Variants in ATE1 observed in about 807,000 individuals in gnomAD.
The protein encoded by ATE1 is arginyl-tRNA--protein transferase 1.
Under a neutral mutation model 70.5 loss-of-function variants are expected in ATE1, and 36 were observed. The ratio of observed to expected loss-of-function variants is 0.51; its 90% CI spans 0.39 to 0.67. The LOEUF (loss-of-function observed/expected upper bound fraction) is 0.67. Ranked by LOEUF, ATE1 falls within the 30% of genes least tolerant of loss-of-function variation. The probability of loss-of-function intolerance (pLI) is 0.00; values close to 1 mark genes in which losing one functional copy is unlikely to be tolerated. For missense variants in ATE1, 593 were observed against 629.5 expected, an observed-to-expected ratio of 0.94 and a Z score of 0.62; for synonymous variants, 232 against 219.3, an observed-to-expected ratio of 1.06 and a Z score of -0.51.
At chr10:121,875,086 T>C (rs1488949411) in intron 7 of ATE1, among the ~76,000 whole-genome samples, 1 of 134,312 alleles carries the variant, frequency 7.4e-6, no homozygotes, top group African/African-American at 2.8e-5. Flanking sequence ...TTGCAGTGAG[T>C]CGAGACCGCA....
intron 8 of ATE1, among the ~76,000 whole-genome samples, chr10:121,869,595 C>G (rs779955031): frequency 6.6e-6 from 1 of 152,218 alleles, no homozygotes; most frequent in Non-Finnish European, 1.5e-5. Flanking sequence ...GTCTCTCTAA[C>G]TGAAACTTCC....
chr10:121,921,423 A>G (rs796728760), intron 3 of ATE1, among the ~76,000 whole-genome samples: 87 of 151,292 alleles, frequency 5.8e-4, no homozygotes, highest in African/African-American at 2.0e-3. Flanking sequence ...ACCCAGGAAA[A>G]GCCTTGATAA....
At chr10:121,783,053 C>T (rs1034134339) in intron 11 of ATE1, among the ~76,000 whole-genome samples, 29 of 152,140 alleles carry the variant, frequency 1.9e-4, no homozygotes, top group Non-Finnish European at 3.8e-4. Flanking sequence ...AACCCTAATA[C>T]AGTAGTAAAA....
intron 2 of ATE1, among the ~76,000 whole-genome samples, chr10:121,922,904 T>C (rs185171394): frequency 1.4e-4 from 22 of 152,292 alleles, no homozygotes; most frequent in Non-Finnish European, 2.6e-4. Flanking sequence ...TGGGAGTCAT[T>C]TTAAACTCCT....
At chr10:121,772,512 G>A (rs780197422) in intron 11 of ATE1, among the ~76,000 whole-genome samples, 1 of 152,164 alleles carries the variant, frequency 6.6e-6, no homozygotes, top group Non-Finnish European at 1.5e-5. Context: ...GCTAATGCAA[G>A]GGGCCCATCA....
chr10:121,823,856 T>C (rs537916298), intron 10 of ATE1, among the ~76,000 whole-genome samples: 2 of 152,190 alleles, frequency 1.3e-5, no homozygotes, highest in Non-Finnish European at 2.9e-5. Context: ...TTTATACACC[T>C]TATCATATAT....
At chr10:121,790,772 T>C (rs1946399891) in intron 10 of ATE1, among the ~76,000 whole-genome samples, 1 of 152,160 alleles carries the variant, frequency 6.6e-6, no homozygotes, top group Non-Finnish European at 1.5e-5. Flanking sequence ...CATTCTTCTC[T>C]AATGTAGTAG....
intron 4 of ATE1, among the ~76,000 whole-genome samples, chr10:121,911,566 C>T (rs1036496159): frequency 2.0e-5 from 3 of 152,058 alleles, no homozygotes; most frequent in African/African-American, 7.2e-5. Context: ...TCCAATTATG[C>T]CTCACTAGTT....
At chr10:121,928,397 G>A, upstream of ATE1, 1 of 1,530,402 alleles carries the variant, frequency 6.5e-7, no homozygotes, top group East Asian at 2.6e-5. Context: ...GTGGTAGCCG[G>A]CCCTGAGGCC....
chr10:121,924,445 A>T, intron 1 of ATE1, 116 bp from the exon 2 acceptor site: 1 of 962,238 alleles, frequency 1.0e-6, no homozygotes, highest in Non-Finnish European at 1.6e-6. Context: ...TCATGCCTGT[A>T]ATCCCAGCAC....
At chr10:121,837,161 G>T (rs1948463332) in intron 9 of ATE1, among the ~76,000 whole-genome samples, 1 of 152,112 alleles carries the variant, frequency 6.6e-6, no homozygotes, top group Admixed American at 6.5e-5. Context: ...GGCTTAACAG[G>T]TTAAAAACAG....
intron 10 of ATE1, among the ~76,000 whole-genome samples, chr10:121,820,681 A>C (rs1167889156): frequency 6.6e-6 from 1 of 152,212 alleles, no homozygotes; most frequent in Non-Finnish European, 1.5e-5. Context: ...GCAACAGTTA[A>C]ACTAGTATTT....
intron 11 of ATE1, among the ~76,000 whole-genome samples, chr10:121,769,826 A>G (rs1945427784): frequency 6.6e-6 from 1 of 152,246 alleles, no homozygotes; most frequent in Admixed American, 6.5e-5. Context: ...CACTATATAC[A>G]TTAGAACAGC....
In ATE1 at chr10:121,758,579, G is replaced by C. The variant is rs576635869; in HGVS notation, c.1379-14721C>G. Among the ~76,000 whole-genome samples the C allele has an allele frequency of 5.9e-5, 9 of 152,232 alleles. No individual in the cohort carries two copies. In the East Asian group the frequency reaches 1.4e-3, roughly 23 times the overall value. On this transcript the variant is annotated intron_variant, in intron 11 of 11. Transcript: ENST00000224652. ...TTCTGTGGAGACAGCCTCTACCGGA[G>C]GAAATATAACCATACGTTATTTTGC...
At position 121,841,168 on chromosome 10, in the gene ATE1, G is replaced by A. The variant is rs751448391; in HGVS notation, c.1071C>T (p.Asp357=). Residue 357 remains aspartate (D), a synonymous_variant, in exon 9 of 12, where the codon GAC becomes GAT. Transcript: ENST00000224652. ...CAGATGATACACAGTTTGGGAGGATGTCAATCACCCCCACAGCAATGATCT... is the reference window on the plus strand; with the variant it reads ...CAGATGATACACAGTTTGGGAGGATATCAATCACCCCCACAGCAATGATCT... ...DGKIIAVGVI[D]ILPNCVSSVY... is the part of the protein sequence containing the mutation. The A allele has an allele frequency of 7.5e-6, 12 of 1,602,180 alleles. No individual in the cohort carries two copies. The African/African-American group carries it at 1.2e-4, about 16-fold the overall frequency.
rs533784351 is a variant in ATE1, at chr10:121,845,487, T to C, written c.976-4224A>G. Among the ~76,000 whole-genome samples, 11 of 152,278 alleles carry C rather than the reference T, an allele frequency of 7.2e-5. No individual in the cohort carries two copies. The East Asian group carries it at 1.9e-3, about 27-fold the overall frequency. ...AGTGAATCTAACTATATTACAAATGTATGAAACTACCTTACTGAAACTGCT... is the reference window on the plus strand; with the variant it reads ...AGTGAATCTAACTATATTACAAATGCATGAAACTACCTTACTGAAACTGCT... On this transcript the variant is annotated intron_variant, in intron 8 of 11. Coordinates refer to ENST00000224652, the MANE Select transcript of ATE1 (RefSeq NM_001001976.3).
At chr10:121,888,481 T>G (rs1950477514) in intron 7 of ATE1, among the ~76,000 whole-genome samples, 1 of 152,164 alleles carries the variant, frequency 6.6e-6, no homozygotes, top group South Asian at 2.1e-4. Flanking sequence ...CAGACTTAAA[T>G]GTCCCCATCA....
chr10:121,865,443 C>T (rs1041153395), intron 8 of ATE1, among the ~76,000 whole-genome samples: 1 of 152,172 alleles, frequency 6.6e-6, no homozygotes, highest in African/African-American at 2.4e-5. Context: ...GACTAGCTGG[C>T]AAAGTTTGAC....
intron 8 of ATE1, among the ~76,000 whole-genome samples, chr10:121,868,210 C>T (rs1564911053): frequency 6.6e-6 from 1 of 152,112 alleles, no homozygotes; most frequent in Non-Finnish European, 1.5e-5. Flanking sequence ...ACATTTAAAA[C>T]ACATTTATTA....
Sources: allele counts gnomAD v4.1 joint callset (sites outside exome capture counted in the v4.1 genomes callset), GRCh38; gene constraint gnomAD v4.1.1; transcripts MANE v1.5; gene names NCBI Gene and HGNC (gene_info 2026-07-23, HGNC 2026-07-21).